The following RALGAPA1 variants were observed in gnomAD, a reference collection of about 807,000 sequenced individuals.
The protein encoded by RALGAPA1 is Ral GTPase activating protein catalytic subunit alpha 1.
Under a neutral mutation model 269.6 loss-of-function variants are expected in RALGAPA1, and 52 were observed. The observed-to-expected ratio is 0.19, with a 90% CI of 0.15 to 0.24. The LOEUF (loss-of-function observed/expected upper bound fraction) is 0.24, where lower values mean the gene tolerates loss of function less well. RALGAPA1 is among the 10% of genes least tolerant of loss of function. The probability of loss-of-function intolerance (pLI) is 1.00; values close to 1 mark genes in which losing one functional copy is unlikely to be tolerated. For synonymous variants in RALGAPA1, 817 were observed against 1,008.3 expected (o/e 0.81, Z 3.60); for missense variants, 1,917 against 3,013.9 (o/e 0.64, Z 8.52).
At chr14:35,568,010 T>C (rs1002425758) in intron 39 of RALGAPA1, among the ~76,000 whole-genome samples, 3 of 152,140 alleles carry the variant, frequency 2.0e-5, no homozygotes, top group Non-Finnish European at 2.9e-5. Flanking sequence ...AGAGTAAACA[T>C]CCTTGATGAA....
chr14:35,798,540 T>C (rs34079167), intron 1 of RALGAPA1, among the ~76,000 whole-genome samples: 3,721 of 152,260 alleles, frequency 0.024, 86 homozygotes, highest in Non-Finnish European at 0.034. Context: ...GTGACGAATA[T>C]CCTAAATACC....
rs573832132 is a variant in RALGAPA1, at chr14:35,738,610, C to T, written c.1490G>A (p.Ser497Asn). 3.7e-6 allele frequency: 6 copies of T among 1,613,172 alleles called. No homozygotes were observed. The Admixed American group carries it at 1.0e-4, about 27-fold the overall frequency. Residue 497 changes from serine to asparagine, a missense_variant, in exon 12 of 42, where the codon AGT becomes AAT. By Grantham distance (46) the Ser-to-Asn change is conservative. Around this residue, in one of 11 missense-constraint regions of RALGAPA1, gnomAD observed 462 missense variants for 725.6 expected, o/e 0.64. Transcript: ENST00000680220. The part of the protein sequence containing the change: ...TNTADHVRNS[S>N]WAKNGSYQGA... Reference sequence around the variant, plus strand: ...TTGGTAGGAGCCGTTTTTTGCCCAACTGGAATTTCGAACATGATCAGCAGT... The same window carrying T: ...TTGGTAGGAGCCGTTTTTTGCCCAATTGGAATTTCGAACATGATCAGCAGT...
intron 35 of RALGAPA1, 90 bp from the exon 36 acceptor site, chr14:35,605,799 C>G: frequency 7.1e-7 from 1 of 1,416,150 alleles, no homozygotes; most frequent in Non-Finnish European, 9.5e-7. Context: ...AAGTATGTAG[C>G]AATAAAAAGA....
chr14:35,729,147 G>T (rs2070238271), intron 12 of RALGAPA1, among the ~76,000 whole-genome samples: 2 of 152,024 alleles, frequency 1.3e-5, no homozygotes, highest in Non-Finnish European at 2.9e-5. Flanking sequence ...AAATCAGGAA[G>T]AATTTTCTGA....
intron 36 of RALGAPA1, among the ~76,000 whole-genome samples, chr14:35,602,215 T>C (rs115619799): frequency 4.9e-3 from 740 of 152,316 alleles, no homozygotes; most frequent in African/African-American, 0.016. Context: ...CATTCATCCA[T>C]TGATGGACAT....
At chr14:35,681,834 T>G (rs2065473465) in intron 21 of RALGAPA1, among the ~76,000 whole-genome samples, 1 of 152,196 alleles carries the variant, frequency 6.6e-6, no homozygotes, top group South Asian at 2.1e-4. Flanking sequence ...AAGTAAGTGG[T>G]GATTTACTTT....
At chr14:35,628,321 G>T (rs906482018) in intron 33 of RALGAPA1, among the ~76,000 whole-genome samples, 2 of 152,030 alleles carry the variant, frequency 1.3e-5, no homozygotes, top group African/African-American at 4.8e-5. Flanking sequence ...AGGCTGAGGC[G>T]GGAGGATTGC....
chr14:35,594,700 T>C lies in RALGAPA1; in HGVS notation c.7209+934A>G, dbSNP rs1369386471. Among the ~76,000 whole-genome samples, 3 of 148,438 alleles carry C rather than the reference T, an allele frequency of 2.0e-5. 1 individual carries two copies. Among genetic ancestry groups the C allele is most frequent in the Non-Finnish European group, 4.4e-5 (3 of 67,452 alleles). ...AACACTAGTACACTGTTGGTAGAAATGTAGACTGTACAGCAATTATGAAAA... is the reference window on the plus strand; with the variant it reads ...AACACTAGTACACTGTTGGTAGAAACGTAGACTGTACAGCAATTATGAAAA... On this transcript the variant is annotated intron_variant, in intron 37 of 41. Coordinates refer to ENST00000680220, the MANE Select transcript of RALGAPA1 (RefSeq NM_001346249.2).
intron 16 of RALGAPA1, among the ~76,000 whole-genome samples, chr14:35,705,399 T>G (rs2067715854): frequency 6.6e-6 from 1 of 152,154 alleles, no homozygotes; most frequent in Non-Finnish European, 1.5e-5. Flanking sequence ...AAGTTTGCCT[T>G]TTCCACAATG....
chr14:35,689,665 C>T lies in RALGAPA1; in HGVS notation c.2746G>A (p.Gly916Ser). 7.6e-7 allele frequency: 1 copy of T among 1,319,728 alleles called. No homozygotes were observed. 81.8% of individuals were successfully genotyped at this position (1,319,728 alleles called of 1,614,324 possible). A position where few individuals can be genotyped will look rare whatever the true frequency, so the allele number is the denominator to read the frequency against. Residue 916 changes from glycine to serine, a missense_variant, in exon 18 of 42, where the codon GGT becomes AGT. Gly to Ser is a moderately conservative substitution (Grantham distance 56). This residue lies in a region of RALGAPA1 where 615 missense variants were observed against 790.0 expected (regional missense o/e 0.78). Coordinates refer to ENST00000680220, the MANE Select transcript of RALGAPA1 (RefSeq NM_001346249.2). The part of the protein sequence containing the change: ...SIYDHLCHLI[G>S]PVELADSAFE... Reference sequence around the variant, plus strand: ...GCTGAATCTGCAAGTTCTACTGGACCTATTAAATGACAAAGATGGTCATAT... The same window carrying T: ...GCTGAATCTGCAAGTTCTACTGGACTTATTAAATGACAAAGATGGTCATAT...
chr14:35,719,730 T>C (rs2069194034), intron 16 of RALGAPA1, among the ~76,000 whole-genome samples: 2 of 152,310 alleles, frequency 1.3e-5, no homozygotes, highest in South Asian at 4.1e-4. Context: ...AAATTTAGAC[T>C]TAAAAGAACA....
In RALGAPA1 at chr14:35,539,627, A is replaced by T; in HGVS notation, c.*87T>A. The T allele has an allele frequency of 6.2e-7, 1 of 1,614,158 alleles. No homozygotes were observed. Among genetic ancestry groups the T allele is most frequent in the Non-Finnish European group, 8.5e-7 (1 of 1,180,036 alleles). ...AGTTCGAGGAGACATTGGAGAGGCC[A>T]GGTCAGCCCCATCTACCTGCGTTGC... On this transcript the variant is annotated 3_prime_UTR_variant, in exon 42 of 42. Coordinates refer to ENST00000680220, the MANE Select transcript of RALGAPA1 (RefSeq NM_001346249.2).
intron 17 of RALGAPA1, among the ~76,000 whole-genome samples, chr14:35,691,254 C>G (rs1487124777): frequency 1.3e-5 from 2 of 151,936 alleles, no homozygotes; most frequent in Non-Finnish European, 2.9e-5. Context: ...TTTTCACTGC[C>G]TTCAGTGTCA....
intron 41 of RALGAPA1, among the ~76,000 whole-genome samples, chr14:35,541,141 G>A (rs2053953228): frequency 6.8e-6 from 1 of 147,640 alleles, no homozygotes; most frequent in African/African-American, 2.6e-5. Context: ...CACTGCCCGG[G>A]TTCAAGCGAT....
chr14:35,802,421 T>C (rs762651654), intron 1 of RALGAPA1, among the ~76,000 whole-genome samples: 11 of 152,154 alleles, frequency 7.2e-5, no homozygotes, highest in Non-Finnish European at 1.5e-4. Context: ...GAAATAGATA[T>C]AAAGGTAACA....
At chr14:35,757,793 T>C (rs767133621) in intron 6 of RALGAPA1, among the ~76,000 whole-genome samples, 11 of 152,198 alleles carry the variant, frequency 7.2e-5, no homozygotes, top group Non-Finnish European at 1.5e-4. Context: ...GGTAAACATA[T>C]GTAGGTCCCT....
rs1251770249 is a variant in RALGAPA1 at position 35,775,663 on chromosome 14, C to T, written c.189G>A (p.Val63=). The T allele has an allele frequency of 3.2e-6, 5 of 1,577,566 alleles. No homozygotes were observed. Among genetic ancestry groups the T allele is most frequent in the Non-Finnish European group, 3.4e-6 (4 of 1,168,332 alleles). ...HIYYVFFENF[V]TIEASLKQKG... is the part of the protein sequence containing the mutation. ...TCTGTTTAAGACTAGCTTCAATAGT[C>T]ACAAAATTTTCAAAGAACACATAGT... The change falls in exon 2 of 42, where the codon GTG becomes GTA. Residue 63 remains valine (V), a synonymous_variant. Coordinates refer to ENST00000680220, the MANE Select transcript of RALGAPA1 (RefSeq NM_001346249.2).
intron 36 of RALGAPA1, among the ~76,000 whole-genome samples, chr14:35,600,015 G>C (rs1179733648): frequency 1.3e-5 from 2 of 151,920 alleles, no homozygotes; most frequent in African/African-American, 4.8e-5. Flanking sequence ...TGAATCTACA[G>C]CTTTATGTCT....
At chr14:35,806,608 C>T (rs1266297863) in intron 1 of RALGAPA1, among the ~76,000 whole-genome samples, 1 of 152,164 alleles carries the variant, frequency 6.6e-6, no homozygotes, top group Non-Finnish European at 1.5e-5. Context: ...TATAGATGCA[C>T]TGAATCCTCC....
Sources: gnomAD v4.1 joint callset for allele counts (sites outside exome capture counted in the v4.1 genomes callset) on GRCh38, gnomAD v4.1.1 for gene constraint, gnomAD v4.1.1 regional missense constraint, MANE v1.5 for transcripts, NCBI Gene and HGNC (gene_info 2026-07-23, HGNC 2026-07-21) for gene names.